ZMIZ1: variants seen among roughly 807,000 people sequenced by gnomAD.
The protein encoded by ZMIZ1 is zinc finger MIZ-type containing 1, also known as zinc finger MIZ domain-containing protein 1.
A neutral mutation model predicts 113.9 loss-of-function variants in ZMIZ1; 17 were observed. The observed-to-expected ratio is 0.15, with a 90% CI of 0.10 to 0.22. ZMIZ1 has a LOEUF of 0.22. Among genes scored for constraint, ZMIZ1 ranks in the 10% least tolerant of loss-of-function variants. The pLI, the probability that ZMIZ1 is intolerant of heterozygous loss-of-function variation, is 1.00. For synonymous variants in ZMIZ1, 607 were observed against 603.1 expected (o/e 1.01, Z -0.09); for missense variants, 1,059 against 1,477.8 (o/e 0.72, Z 4.65).
intron 7 of ZMIZ1, among the ~76,000 whole-genome samples, chr10:79,216,997 C>T (rs932642917): frequency 1.3e-5 from 2 of 152,348 alleles, no homozygotes; most frequent in African/African-American, 4.8e-5. Context: ...GCCACAGGCA[C>T]CCTGCTAGCT....
intron 1 of ZMIZ1, among the ~76,000 whole-genome samples, chr10:79,072,980 T>C (rs534548761): frequency 9.2e-5 from 14 of 152,300 alleles, no homozygotes; most frequent in African/African-American, 2.6e-4. Context: ...CGGGGCGTTC[T>C]GAGGTTGGGC....
At chr10:79,122,662 T>C (rs937036418) in intron 2 of ZMIZ1, among the ~76,000 whole-genome samples, 2 of 152,196 alleles carry the variant, frequency 1.3e-5, no homozygotes, top group Non-Finnish European at 2.9e-5. Context: ...TATAGAGTTC[T>C]CTACAGTGTG....
intron 3 of ZMIZ1, among the ~76,000 whole-genome samples, chr10:79,161,484 T>C (rs1180418780): frequency 6.6e-6 from 1 of 152,194 alleles, no homozygotes; most frequent in Admixed American, 6.5e-5. Context: ...TCTTCACATA[T>C]GCTGTTCCCT....
chr10:79,287,021 T>A (rs576383782), intron 8 of ZMIZ1, among the ~76,000 whole-genome samples: 3 of 152,238 alleles, frequency 2.0e-5, no homozygotes, highest in Admixed American at 6.5e-5. Context: ...TTTGTTCAGA[T>A]GTAGGGGACC....
At position 79,182,482 on chromosome 10, in the gene ZMIZ1, G is replaced by A. The variant is rs188341964; in HGVS notation, c.-49-19102G>A. ...GGGGAGAGTGTCAGCTGGACTCAGA[G>A]TGCAGCAGCATTGGTTCTGGGTGTG... On this transcript the variant is annotated intron_variant, in intron 4 of 24. Coordinates refer to ENST00000334512, the MANE Select transcript of ZMIZ1 (RefSeq NM_020338.4). 3.9e-3 allele frequency among the ~76,000 whole-genome samples: 590 copies of A among 152,302 alleles called. 16 individuals carry two copies. The highest frequency in any genetic ancestry group is 2.2e-3 in the Admixed American group (33 of 15,300).
At chr10:79,250,339 A>G (rs981845824) in intron 7 of ZMIZ1, among the ~76,000 whole-genome samples, 1 of 152,150 alleles carries the variant, frequency 6.6e-6, no homozygotes, top group African/African-American at 2.4e-5. Context: ...GGGTGGTGCC[A>G]TCTGGGGGCT....
intron 5 of ZMIZ1, among the ~76,000 whole-genome samples, chr10:79,206,624 C>T (rs141562068): frequency 4.0e-4 from 61 of 152,366 alleles, no homozygotes; most frequent in African/African-American, 1.4e-3. Context: ...GGGAGCACTG[C>T]CTTTGCAGAA....
chr10:79,261,424 C>G (rs144055164), intron 7 of ZMIZ1, among the ~76,000 whole-genome samples: 1 of 152,288 alleles, frequency 6.6e-6, no homozygotes, highest in South Asian at 2.1e-4. Flanking sequence ...GAGAGAGCTG[C>G]GTGCTGATTA....
chr10:79,183,219 T>C (rs1847196388), intron 4 of ZMIZ1, among the ~76,000 whole-genome samples: 1 of 152,242 alleles, frequency 6.6e-6, no homozygotes, highest in African/African-American at 2.4e-5. Flanking sequence ...TTCTTGGGAA[T>C]TCACGACGTG....
At chr10:79,304,256 A>C in intron 19 of ZMIZ1, 81 bp downstream of exon 19, 1 of 1,541,592 alleles carries the variant, frequency 6.5e-7, no homozygotes, top group Non-Finnish European at 8.8e-7. Context: ...GAGGGGCAAC[A>C]GAGCCTGTCC....
At chr10:79,163,342 T>C (rs960472171) in intron 4 of ZMIZ1, among the ~76,000 whole-genome samples, 2 of 152,248 alleles carry the variant, frequency 1.3e-5, no homozygotes, top group African/African-American at 4.8e-5. Flanking sequence ...TGTCTGCTGA[T>C]TGGCTGCATG....
intron 1 of ZMIZ1, among the ~76,000 whole-genome samples, chr10:79,083,895 C>T (rs1842732511): frequency 6.6e-6 from 1 of 152,178 alleles, no homozygotes; most frequent in African/African-American, 2.4e-5. Flanking sequence ...GCCTCAGCCA[C>T]TCTGTCATAA....
At chr10:79,289,754 T>C in intron 8 of ZMIZ1, 21 bp from the exon 9 acceptor site, 3 of 1,606,486 alleles carry the variant, frequency 1.9e-6, no homozygotes, top group Non-Finnish European at 2.6e-6. Context: ...CCTGAAGATC[T>C]CCCTCTGTCT....
Position 79,314,361 on chromosome 10 carries a change from C to G in ZMIZ1, c.*1612C>G, listed in dbSNP as rs1855403105. The G allele has an allele frequency of 4.8e-6, 2 of 414,470 alleles. No homozygotes were observed. Among genetic ancestry groups the G allele is most frequent in the Non-Finnish European group, 9.8e-6 (2 of 204,360 alleles). The allele number at this position is 414,470 out of a possible 1,614,324, so 25.7% of individuals were successfully genotyped here. ...TGCTCTCCCGTCCGCTGTGGGTGGT[C>G]CCCAGCTCTCCTCTGTGGGTTTTAC... On this transcript the variant is annotated 3_prime_UTR_variant, in exon 25 of 25. Transcript: ENST00000334512.
intron 1 of ZMIZ1, among the ~76,000 whole-genome samples, chr10:79,109,736 T>C (rs1324737871): frequency 6.6e-6 from 1 of 152,234 alleles, no homozygotes; most frequent in Non-Finnish European, 1.5e-5. Context: ...CCAGGCTCTG[T>C]TGCCAGCATG....
At position 79,306,143 on chromosome 10, in the gene ZMIZ1, C is replaced by T. The variant is rs1854676122; in HGVS notation, c.2467C>T (p.Arg823Trp). ...EVTIDPTCSWRPVPIKSDLHI... is the reference protein window; with the variant it reads ...EVTIDPTCSWWPVPIKSDLHI... ...CACCATCGATCCCACGTGCAGCTGGCGGCCGGTGCCCATCAAGTCGGACTT... is the reference window on the plus strand; with the variant it reads ...CACCATCGATCCCACGTGCAGCTGGTGGCCGGTGCCCATCAAGTCGGACTT... The change falls in exon 22 of 25, where the codon CGG becomes TGG. Residue 823 changes from arginine (R) to tryptophan (W), a missense_variant. Around this residue, in one of 6 missense-constraint regions of ZMIZ1, gnomAD observed 217 missense variants for 426.9 expected, o/e 0.51. Coordinates refer to ENST00000334512, the MANE Select transcript of ZMIZ1 (RefSeq NM_020338.4). The T allele has an allele frequency of 6.2e-7, 1 of 1,613,880 alleles. No homozygotes were observed. Among genetic ancestry groups the T allele is most frequent in the Non-Finnish European group, 8.5e-7 (1 of 1,180,006 alleles).
intron 7 of ZMIZ1, among the ~76,000 whole-genome samples, chr10:79,230,696 A>C (rs1222472089): frequency 6.6e-6 from 1 of 151,960 alleles, no homozygotes; most frequent in Non-Finnish European, 1.5e-5. Context: ...GGAAGCCAGC[A>C]CTCTGAAGCA....
chr10:79,237,394 A>G (rs1018247175), intron 7 of ZMIZ1, among the ~76,000 whole-genome samples: 3 of 152,234 alleles, frequency 2.0e-5, no homozygotes, highest in Non-Finnish European at 4.4e-5. Flanking sequence ...TAAGGCTGCC[A>G]TAACAAAGTG....
At chr10:79,153,225 A>G (rs1845776734) in intron 3 of ZMIZ1, among the ~76,000 whole-genome samples, 1 of 152,216 alleles carries the variant, frequency 6.6e-6, no homozygotes. Flanking sequence ...GCTGGCTCAA[A>G]CAGGGCTGGC....
Sources: gnomAD v4.1 joint callset for allele counts (sites outside exome capture counted in the v4.1 genomes callset) on GRCh38, gnomAD v4.1.1 for gene constraint, gnomAD v4.1.1 regional missense constraint, MANE v1.5 for transcripts, NCBI Gene and HGNC (gene_info 2026-07-23, HGNC 2026-07-21) for gene names.